IFT43: variants seen among roughly 807,000 people sequenced by gnomAD.
IFT43 encodes intraflagellar transport 43.
Under a neutral mutation model 32.3 loss-of-function variants are expected in IFT43, and 33 were observed. The observed-to-expected ratio is 1.02, with a 90% CI of 0.77 to 1.37. The LOEUF (loss-of-function observed/expected upper bound fraction) is 1.37, where lower values mean the gene tolerates loss of function less well. IFT43 is among the 40% of genes most tolerant of loss of function. IFT43 has a pLI of 0.00. For synonymous variants in IFT43, 93 were observed against 98.2 expected, an observed-to-expected ratio of 0.95 and a Z score of 0.31; for missense variants, 274 against 265.9, an observed-to-expected ratio of 1.03 and a Z score of -0.21.
rs1203005604 is a variant in IFT43, at chr14:76,083,650, A to C, written c.*73A>C. 1 of 1,377,976 alleles carries C rather than the reference A, an allele frequency of 7.3e-7. No individual in the cohort carries two copies. The highest frequency in any genetic ancestry group is 1.7e-5 in the Admixed American group (1 of 58,560). The allele number at this position is 1,377,976 out of a possible 1,614,324, so 85.4% of individuals were successfully genotyped here. ...CTAAAGAAGCTTGTAAGCAGCTCCGAATTTTTACCTGGAATATTTTGTAAT... is the reference window on the plus strand; with the variant it reads ...CTAAAGAAGCTTGTAAGCAGCTCCGCATTTTTACCTGGAATATTTTGTAAT... On this transcript the variant is annotated 3_prime_UTR_variant, in exon 9 of 9. Coordinates refer to ENST00000314067, the MANE Select transcript of IFT43 (RefSeq NM_001102564.3).
At chr14:76,061,070 T>C (rs1415571884) in intron 5 of IFT43, among the ~76,000 whole-genome samples, 1 of 151,988 alleles carries the variant, frequency 6.6e-6, no homozygotes, top group Non-Finnish European at 1.5e-5. Context: ...CCTGGCTAAT[T>C]TGTGTATTTT....
chr14:76,075,370 G>A (rs186259963), intron 5 of IFT43, among the ~76,000 whole-genome samples: 6 of 152,048 alleles, frequency 3.9e-5, no homozygotes, highest in Admixed American at 2.6e-4. Flanking sequence ...CCCCTGATTC[G>A]AGGAGTGCAG....
intron 3 of IFT43, among the ~76,000 whole-genome samples, chr14:76,037,727 G>A (rs951094067): frequency 6.7e-6 from 1 of 150,026 alleles, no homozygotes; most frequent in Admixed American, 6.6e-5. Context: ...CTGATTAAGA[G>A]CTGCAGCTGC....
At chr14:76,019,165 G>A (rs900415253) in intron 2 of IFT43, among the ~76,000 whole-genome samples, 3 of 151,882 alleles carry the variant, frequency 2.0e-5, no homozygotes, top group Admixed American at 6.6e-5. Context: ...TTTCCCATTT[G>A]TGTATCTGTT....
intron 3 of IFT43, among the ~76,000 whole-genome samples, chr14:76,024,871 C>G (rs1351871022): frequency 6.6e-6 from 1 of 152,158 alleles, no homozygotes; most frequent in South Asian, 2.1e-4. Flanking sequence ...TCTAGGCCAG[C>G]CTGACAGAGA....
chr14:75,992,794 G>A, intron 2 of IFT43, among the ~76,000 whole-genome samples: 1 of 152,130 alleles, frequency 6.6e-6, no homozygotes, highest in Admixed American at 6.6e-5. Context: ...TCCTGCCTTG[G>A]CTTCCCAAAG....
intron 3 of IFT43, among the ~76,000 whole-genome samples, chr14:76,035,408 G>A (rs1022742543): frequency 1.3e-5 from 2 of 152,154 alleles, no homozygotes; most frequent in Non-Finnish European, 2.9e-5. Flanking sequence ...TAGAACTGCT[G>A]TGTGCTGGTC....
At chr14:76,080,117 G>T (rs2037482811) in intron 5 of IFT43, among the ~76,000 whole-genome samples, 2 of 152,338 alleles carry the variant, frequency 1.3e-5, no homozygotes, top group African/African-American at 4.8e-5. Flanking sequence ...TGGATGGCCT[G>T]CCTCTGCTGC....
chr14:76,065,995 C>T (rs1271420058), intron 5 of IFT43, among the ~76,000 whole-genome samples: 1 of 152,222 alleles, frequency 6.6e-6, no homozygotes, highest in Non-Finnish European at 1.5e-5. Flanking sequence ...TAAATGGTAG[C>T]ACCAGGGTCT....
rs1330790759 is a variant in IFT43, at chr14:76,083,568, G to A, written c.618G>A (p.Arg206=). Residue 206 remains arginine (R), a synonymous_variant, in exon 9 of 9, where the codon AGG becomes AGA. Transcript: ENST00000314067. ...TEKEDPAGQA[R]HT ...AGGAGGACCCTGCGGGGCAGGCCAGGCACACCTGAGCCCGTCACCCATGCT... is the reference window on the plus strand; with the variant it reads ...AGGAGGACCCTGCGGGGCAGGCCAGACACACCTGAGCCCGTCACCCATGCT... 2.5e-6 allele frequency: 4 copies of A among 1,613,838 alleles called. No individual in the cohort carries two copies. The highest frequency in any genetic ancestry group is 2.7e-5 in the African/African-American group (2 of 74,916).
intron 6 of IFT43, 48 bp downstream of exon 6, chr14:76,082,415 A>G: frequency 1.6e-6 from 2 of 1,275,274 alleles, no homozygotes; most frequent in Non-Finnish European, 2.3e-6. Context: ...ACGTGAATTA[A>G]TACACTCCAG....
At chr14:75,994,076 T>C (rs1171553498) in intron 2 of IFT43, among the ~76,000 whole-genome samples, 2 of 151,734 alleles carry the variant, frequency 1.3e-5, no homozygotes, top group African/African-American at 4.8e-5. Context: ...CATGTCAATT[T>C]AAAACAAATA....
chr14:76,054,225 G>A (rs975593982), intron 3 of IFT43, among the ~76,000 whole-genome samples: 3 of 152,190 alleles, frequency 2.0e-5, no homozygotes, highest in African/African-American at 4.8e-5. Context: ...TGAGTCTGGT[G>A]CACCACTGTT....
intron 2 of IFT43, among the ~76,000 whole-genome samples, chr14:76,002,363 G>A (rs577736349): frequency 0.045 from 2,054 of 45,866 alleles, 52 homozygotes; most frequent in African/African-American, 0.15. Flanking sequence ...TGGTAAAAAG[G>A]TAAGGGGGGG....
intron 3 of IFT43, among the ~76,000 whole-genome samples, chr14:76,056,455 G>A (rs893208499): frequency 6.6e-6 from 1 of 152,192 alleles, no homozygotes; most frequent in African/African-American, 2.4e-5. Context: ...TGGATAAATG[G>A]CAATTAATCA....
intron 3 of IFT43, among the ~76,000 whole-genome samples, chr14:76,057,312 A>G (rs2037037870): frequency 1.3e-5 from 2 of 152,000 alleles, no homozygotes; most frequent in South Asian, 2.1e-4. Flanking sequence ...GCTCACCGCA[A>G]CCTCCACCTT....
At chr14:76,001,443 TC>T (rs2035883566) in intron 2 of IFT43, among the ~76,000 whole-genome samples, 1 of 152,148 alleles carries the variant, frequency 6.6e-6, no homozygotes, top group Admixed American at 6.5e-5. Flanking sequence ...CTCTGTAACT[TC>T]CAGGGGCCCA....
At chr14:76,082,194 C>T in intron 5 of IFT43, 101 bp from the exon 6 acceptor site, 3 of 1,060,722 alleles carry the variant, frequency 2.8e-6, no homozygotes, top group Non-Finnish European at 4.4e-6. Flanking sequence ...CAGCCCACAG[C>T]CCCATGGCTG....
intron 2 of IFT43, among the ~76,000 whole-genome samples, chr14:75,991,041 C>G (rs1371673879): frequency 1.3e-5 from 2 of 152,190 alleles, no homozygotes; most frequent in Non-Finnish European, 2.9e-5. Flanking sequence ...AATTAAAAGT[C>G]TACTTAAGGC....
Sources: allele counts gnomAD v4.1 joint callset (sites outside exome capture counted in the v4.1 genomes callset), GRCh38; gene constraint gnomAD v4.1.1; transcripts MANE v1.5; gene names NCBI Gene and HGNC (gene_info 2026-07-23, HGNC 2026-07-21).